EXOC4: variants seen among roughly 807,000 people sequenced by gnomAD.
EXOC4 encodes exocyst complex component 4.
Under a neutral mutation model 107.2 loss-of-function variants are expected in EXOC4, and 71 were observed. The ratio of observed to expected loss-of-function variants is 0.66; its 90% CI spans 0.55 to 0.81. EXOC4 has a LOEUF of 0.81. Ranked by LOEUF, EXOC4 falls within the 30% of genes least tolerant of loss-of-function variation. The pLI is 0.00. For missense variants in EXOC4, 1,108 were observed against 1,189.6 expected (o/e 0.93, Z 1.01); for synonymous variants, 456 against 441.2 (o/e 1.03, Z -0.42).
chr7:133,990,261 T>C (rs938857956), intron 14 of EXOC4, among the ~76,000 whole-genome samples: 7 of 143,040 alleles, frequency 4.9e-5, no homozygotes, highest in Admixed American at 1.4e-4. Context: ...ATTAACTAAC[T>C]TTCCCCTCCC....
rs569122418 is a variant in EXOC4, at chr7:133,781,072, C to G, written c.1515-36253C>G. Among the ~76,000 whole-genome samples, 5 of 152,342 alleles carry G rather than the reference C, an allele frequency of 3.3e-5. No individual in the cohort carries two copies. The South Asian group carries it at 1.0e-3, about 32-fold the overall frequency. The stretch of plus-strand genomic sequence containing the variant: ...CCCCAACAGGAGTAGAATATGCTGT[C>G]TGTGTTCCTGCCAACACTTTGGTTC... On this transcript the variant is annotated intron_variant, in intron 10 of 17. Transcript: ENST00000253861.
At chr7:133,924,007 A>G (rs566831931) in intron 13 of EXOC4, among the ~76,000 whole-genome samples, 1 of 144,556 alleles carries the variant, frequency 6.9e-6, no homozygotes, top group Non-Finnish European at 1.5e-5. Flanking sequence ...TTTTTTTTCT[A>G]TCAAGACAGG....
chr7:133,474,010 G>A lies in EXOC4; in HGVS notation c.1183-1318G>A, dbSNP rs1467471802. Among the ~76,000 whole-genome samples, 5 of 151,764 alleles carry A rather than the reference G, an allele frequency of 3.3e-5. No homozygotes were observed. In the South Asian group the frequency reaches 6.2e-4, roughly 19 times the overall value. Reference sequence around the variant, plus strand: ...GGTGTGAGCCACTGCGCCTGGCCTGGGTCTTGTTTTTTAATTCATTCAGCT... The same window carrying A: ...GGTGTGAGCCACTGCGCCTGGCCTGAGTCTTGTTTTTTAATTCATTCAGCT... On this transcript the variant is annotated intron_variant, in intron 7 of 17. Transcript: ENST00000253861.
At chr7:133,832,437 A>C (rs566661675) in intron 11 of EXOC4, among the ~76,000 whole-genome samples, 1 of 152,342 alleles carries the variant, frequency 6.6e-6, no homozygotes, top group African/African-American at 2.4e-5. Flanking sequence ...ACCCTAAAAA[A>C]TTCCCATGCT....
chr7:133,670,445 C>T (rs751025022), intron 10 of EXOC4, among the ~76,000 whole-genome samples: 15 of 152,084 alleles, frequency 9.9e-5, no homozygotes, highest in Non-Finnish European at 1.3e-4. Flanking sequence ...ATGCTCTTGG[C>T]CTATTGCTAA....
At chr7:133,629,955 G>A in intron 9 of EXOC4, 90 bp from the exon 10 acceptor site, 2 of 845,212 alleles carry the variant, frequency 2.4e-6, no homozygotes, top group Non-Finnish European at 3.9e-6. Context: ...TCCTAATTAT[G>A]ACAGTATAGG....
Position 133,374,748 on chromosome 7 carries a change from TG to T in EXOC4, c.1008-79del. 6 of 1,140,296 alleles carry T rather than the reference TG, an allele frequency of 5.3e-6. No homozygotes were observed. The South Asian group carries it at 9.2e-5, about 17-fold the overall frequency. The allele number at this position is 1,140,296 out of a possible 1,614,324, so 70.6% of individuals were successfully genotyped here. A position where few individuals can be genotyped will look rare whatever the true frequency, so the allele number is the denominator to read the frequency against. On this transcript the variant is annotated intron_variant, in intron 6 of 17. Coordinates refer to ENST00000253861, the MANE Select transcript of EXOC4 (RefSeq NM_021807.4). ...ATTGTAGAATGCTACTTTAGTTTGA[TG>T]TTTTTCTTGCAGGTCACTGTAAGCC...
intron 9 of EXOC4, among the ~76,000 whole-genome samples, chr7:133,606,778 A>C (rs1289057396): frequency 6.6e-6 from 1 of 151,970 alleles, no homozygotes; most frequent in Non-Finnish European, 1.5e-5. Context: ...AGCCTCCCAA[A>C]GTGCTAGGAT....
chr7:133,583,943 C>T (rs1024988305), intron 9 of EXOC4, among the ~76,000 whole-genome samples: 2 of 152,064 alleles, frequency 1.3e-5, no homozygotes, highest in African/African-American at 2.4e-5. Context: ...TTAGAGATAA[C>T]GAACTGTGGC....
At chr7:133,437,353 T>C (rs902930606) in intron 7 of EXOC4, among the ~76,000 whole-genome samples, 14 of 152,226 alleles carry the variant, frequency 9.2e-5, no homozygotes, top group Non-Finnish European at 2.1e-4. Context: ...TGGTACAATT[T>C]TCTGTTCAGA....
At chr7:133,609,214 TAAA>T (rs1191016989) in intron 9 of EXOC4, among the ~76,000 whole-genome samples, 1 of 152,144 alleles carries the variant, frequency 6.6e-6, no homozygotes, top group East Asian at 1.9e-4. Flanking sequence ...AAGGAGGTAA[TAAA>T]AAAGGAATAA....
At chr7:133,592,037 G>A (rs1258795248) in intron 9 of EXOC4, among the ~76,000 whole-genome samples, 10 of 152,252 alleles carry the variant, frequency 6.6e-5, no homozygotes, top group Admixed American at 5.9e-4. Flanking sequence ...ATCTGCACTT[G>A]AGTTCTTTGC....
intron 11 of EXOC4, among the ~76,000 whole-genome samples, chr7:133,841,203 A>G (rs1798018278): frequency 6.6e-6 from 1 of 152,162 alleles, no homozygotes; most frequent in South Asian, 2.1e-4. Flanking sequence ...TCATGAGGGC[A>G]CTAATCCCAT....
chr7:134,061,714 C>T (rs867009594), intron 17 of EXOC4, among the ~76,000 whole-genome samples: 10 of 152,146 alleles, frequency 6.6e-5, no homozygotes, highest in African/African-American at 2.2e-4. Flanking sequence ...CAACTCCCTC[C>T]ATCACCTGTG....
chr7:133,971,978 G>A (rs1432391944), intron 14 of EXOC4, among the ~76,000 whole-genome samples: 1 of 147,690 alleles, frequency 6.8e-6, no homozygotes, highest in East Asian at 2.0e-4. Context: ...AGGAAGCTAT[G>A]AAGTTATTGT....
intron 7 of EXOC4, among the ~76,000 whole-genome samples, chr7:133,472,992 ATTT>A (rs1798920345): frequency 1.3e-5 from 2 of 152,188 alleles, no homozygotes; most frequent in South Asian, 4.1e-4. Flanking sequence ...GGATTAGTGT[ATTT>A]TCATGCTTTG....
intron 11 of EXOC4, among the ~76,000 whole-genome samples, chr7:133,848,727 T>G (rs575937763): frequency 6.6e-6 from 1 of 152,288 alleles, no homozygotes; most frequent in South Asian, 2.1e-4. Flanking sequence ...ATGTTCTCAT[T>G]TTCTAAATTT....
intron 6 of EXOC4, among the ~76,000 whole-genome samples, chr7:133,370,021 G>A (rs1796336693): frequency 6.6e-6 from 1 of 151,878 alleles, no homozygotes. Flanking sequence ...TCAGGCTCCC[G>A]ACCTCAGGTG....
intron 9 of EXOC4, among the ~76,000 whole-genome samples, chr7:133,555,023 C>G (rs1467787841): frequency 1.3e-5 from 2 of 152,028 alleles, no homozygotes; most frequent in Admixed American, 1.3e-4. Flanking sequence ...TGAATCTAGC[C>G]TGTGGGGTGT....
Sources: allele counts gnomAD v4.1 joint callset (sites outside exome capture counted in the v4.1 genomes callset), GRCh38; gene constraint gnomAD v4.1.1; transcripts MANE v1.5; gene names NCBI Gene and HGNC (gene_info 2026-07-23, HGNC 2026-07-21).